RBFOX1: variants seen among roughly 807,000 people sequenced by gnomAD.
The protein encoded by RBFOX1 is RNA binding fox-1 homolog 1.
RBFOX1 carries 8 observed loss-of-function variants against 57.7 expected under a neutral mutation model. The ratio of observed to expected loss-of-function variants is 0.14; its 90% CI spans 0.08 to 0.25. The LOEUF (loss-of-function observed/expected upper bound fraction) is 0.25. Ranked by LOEUF, RBFOX1 falls within the 10% of genes least tolerant of loss-of-function variation. The probability of loss-of-function intolerance (pLI) is 1.00; values close to 1 mark genes in which losing one functional copy is unlikely to be tolerated. For missense variants in RBFOX1, 611 were observed against 548.5 expected, an observed-to-expected ratio of 1.11 and a Z score of -1.14; for synonymous variants, 326 against 222.4, an observed-to-expected ratio of 1.47 and a Z score of -4.15.
intron 5 of RBFOX1, among the ~76,000 whole-genome samples, chr16:7,541,928 A>G (rs968528979): frequency 4.6e-5 from 7 of 152,218 alleles, no homozygotes; most frequent in East Asian, 1.9e-4. Context: ...GCAGATGCCA[A>G]GTTTCCCAGC....
chr16:7,253,839 C>T (rs1373252703), intron 4 of RBFOX1, among the ~76,000 whole-genome samples: 1 of 152,130 alleles, frequency 6.6e-6, no homozygotes, highest in Non-Finnish European at 1.5e-5. Flanking sequence ...CCAAGGTCTG[C>T]ACATGAGAGC....
intron 1 of RBFOX1, among the ~76,000 whole-genome samples, chr16:6,235,234 T>C (rs1180223454): frequency 1.3e-5 from 2 of 152,134 alleles, no homozygotes; most frequent in Non-Finnish European, 2.9e-5. Context: ...CCTTCTTCCA[T>C]GTGGTCATTC....
At chr16:5,412,520 C>T (rs2067048581) in intron 1 of RBFOX1, among the ~76,000 whole-genome samples, 2 of 152,106 alleles carry the variant, frequency 1.3e-5, no homozygotes. Context: ...TTCCACAAAG[C>T]ACACAGGTAC....
At chr16:6,393,764 G>A (rs2092705752) in intron 2 of RBFOX1, among the ~76,000 whole-genome samples, 1 of 152,096 alleles carries the variant, frequency 6.6e-6, no homozygotes, top group Non-Finnish European at 1.5e-5. Flanking sequence ...ACCTCATCAT[G>A]TTATGTTAGA....
At chr16:5,792,365 C>G (rs572426469) in intron 3 of RBFOX1, among the ~76,000 whole-genome samples, 1 of 152,306 alleles carries the variant, frequency 6.6e-6, no homozygotes, top group East Asian at 1.9e-4. Context: ...GTTAGGGGCA[C>G]CTTAGCCCAG....
intron 3 of RBFOX1, among the ~76,000 whole-genome samples, chr16:7,017,252 G>T (rs780241228): frequency 6.6e-6 from 1 of 152,142 alleles, no homozygotes; most frequent in South Asian, 2.1e-4. Context: ...TGCAGCCTCG[G>T]CTGTGCTCTG....
At chr16:6,115,764 G>C (rs547165894) in intron 1 of RBFOX1, among the ~76,000 whole-genome samples, 1 of 152,074 alleles carries the variant, frequency 6.6e-6, no homozygotes, top group Non-Finnish European at 1.5e-5. Flanking sequence ...GGTTTGCCTT[G>C]TGGTCATAAT....
At chr16:5,896,130 G>A (rs1026434210) in intron 4 of RBFOX1, among the ~76,000 whole-genome samples, 1 of 152,126 alleles carries the variant, frequency 6.6e-6, no homozygotes, top group Admixed American at 6.6e-5. Context: ...GGAGAGGCTG[G>A]AATCTGATCC....
chr16:6,314,175 A>G (rs2080772037), intron 1 of RBFOX1, among the ~76,000 whole-genome samples: 1 of 152,176 alleles, frequency 6.6e-6, no homozygotes, highest in Admixed American at 6.5e-5. Flanking sequence ...AATGAAGGTC[A>G]ATGTCCTTTC....
intron 4 of RBFOX1, among the ~76,000 whole-genome samples, chr16:5,936,020 A>G (rs1257904074): frequency 6.8e-6 from 1 of 146,912 alleles, no homozygotes; most frequent in Non-Finnish European, 1.5e-5. Flanking sequence ...CATTCCTTCA[A>G]CTGATCTGAA....
chr16:6,255,857 C>G (rs934793731), intron 1 of RBFOX1, among the ~76,000 whole-genome samples: 3 of 151,600 alleles, frequency 2.0e-5, no homozygotes, highest in Non-Finnish European at 2.9e-5. Context: ...TACATGGATA[C>G]AGGGAGGAGA....
rs117140543 is a variant in RBFOX1, at chr16:6,627,544, C to G, written c.-63-27059C>G. On this transcript the variant is annotated intron_variant, in intron 2 of 15. Coordinates refer to ENST00000550418, the MANE Select transcript of RBFOX1 (RefSeq NM_018723.4). ...GGAGGATTTGAGTAAGTCTCTAGGT[C>G]TCAAAGGAGGAAGCAGGAAGGATGA... is the stretch of plus-strand genomic sequence containing the variant. Among the ~76,000 whole-genome samples the G allele has an allele frequency of 5.9e-3, 899 of 152,216 alleles. 9 individuals are homozygous for G. The highest frequency in any genetic ancestry group is 8.5e-3 in the Non-Finnish European group (578 of 68,010).
At chr16:6,079,488 T>G (rs2095965422) in intron 1 of RBFOX1, among the ~76,000 whole-genome samples, 1 of 152,262 alleles carries the variant, frequency 6.6e-6, no homozygotes, top group African/African-American at 2.4e-5. Context: ...TTTATTTTTA[T>G]TTGTTTTTTA....
intron 1 of RBFOX1, among the ~76,000 whole-genome samples, chr16:5,416,310 TC>T (rs1221964570): frequency 6.6e-6 from 1 of 152,210 alleles, no homozygotes; most frequent in Non-Finnish European, 1.5e-5. Flanking sequence ...CATGCACAGA[TC>T]CTGACTCCAG....
chr16:6,898,282 C>G (rs71374918), intron 3 of RBFOX1, among the ~76,000 whole-genome samples: 5 of 152,122 alleles, frequency 3.3e-5, no homozygotes, highest in African/African-American at 1.2e-4. Flanking sequence ...AAGCTGCCAT[C>G]TGACCCCTGC....
intron 4 of RBFOX1, among the ~76,000 whole-genome samples, chr16:5,951,777 G>T (rs189804036): frequency 6.8e-6 from 1 of 146,026 alleles, no homozygotes; most frequent in Admixed American, 6.9e-5. Flanking sequence ...GGACACAAGG[G>T]ATAGATTGTT....
chr16:5,560,676 T>A lies in RBFOX1; in HGVS notation c.259-38226T>A, dbSNP rs185888522. Among the ~76,000 whole-genome samples the A allele has an allele frequency of 2.8e-3, 421 of 152,316 alleles. 2 individuals carry two copies. Among genetic ancestry groups the A allele is most frequent in the African/African-American group, 9.8e-3 (406 of 41,566 alleles). ...ATTCCTTCATTTTTATCCAAACATC[T>A]CAGCGTAGTCTGTGCTCCACATCTT... On this transcript the variant is annotated intron_variant, in intron 2 of 2. Transcript: ENST00000585867.
intron 1 of RBFOX1, among the ~76,000 whole-genome samples, chr16:6,239,806 C>T (rs970082066): frequency 1.3e-5 from 2 of 152,076 alleles, no homozygotes; most frequent in Non-Finnish European, 2.9e-5. Context: ...CTCCACCTGA[C>T]TGTTAAAACA....
At chr16:7,660,193 C>T (rs560814532) in intron 12 of RBFOX1, among the ~76,000 whole-genome samples, 3 of 152,050 alleles carry the variant, frequency 2.0e-5, no homozygotes, top group Non-Finnish European at 4.4e-5. Context: ...ACTCCCTGCT[C>T]GCATTCATTC....
Sources: gnomAD v4.1 joint callset for allele counts (sites outside exome capture counted in the v4.1 genomes callset) on GRCh38, gnomAD v4.1.1 for gene constraint, MANE v1.5 for transcripts, NCBI Gene and HGNC (gene_info 2026-07-23, HGNC 2026-07-21) for gene names.